The following FAM118A variants were observed in gnomAD, a reference collection of about 807,000 sequenced individuals.
FAM118A encodes the protein protein FAM118A.
FAM118A carries 25 observed loss-of-function variants against 38.2 expected under a neutral mutation model. The observed-to-expected ratio is 0.65, with a 90% CI of 0.48 to 0.91. FAM118A has a LOEUF of 0.91. Among genes scored for constraint, FAM118A ranks in the 40% least tolerant of loss-of-function variants. The pLI, the probability that FAM118A is intolerant of heterozygous loss-of-function variation, is 0.00. For missense variants in FAM118A, 425 were observed against 463.3 expected (o/e 0.92, Z 0.76); for synonymous variants, 178 against 184.1 (o/e 0.97, Z 0.27).
intron 3 of FAM118A, 70 bp downstream of exon 3, chr22:45,323,497 A>G: frequency 6.4e-7 from 1 of 1,561,888 alleles, no homozygotes. Context: ...CTGTGAACCT[A>G]ATGTTAAACT....
Position 45,341,743 on chromosome 22 carries a change from G to C in FAM118A, c.*1338G>C, listed in dbSNP as rs2086463096. 1 of 152,198 alleles carries C rather than the reference G, an allele frequency of 6.6e-6. No homozygotes were observed. Among genetic ancestry groups the C allele is most frequent in the Non-Finnish European group, 1.5e-5 (1 of 68,070 alleles). 9.4% of individuals were successfully genotyped at this position (152,198 alleles called of 1,614,324 possible). A position where few individuals can be genotyped will look rare whatever the true frequency, so the allele number is the denominator to read the frequency against. ...AAACAGCCCTGCTTGGTTTCAGTTTGAGGCCACTTATCTTCAATGTGACAT... is the reference window on the plus strand; with the variant it reads ...AAACAGCCCTGCTTGGTTTCAGTTTCAGGCCACTTATCTTCAATGTGACAT... On this transcript the variant is annotated 3_prime_UTR_variant, in exon 9 of 9. Coordinates refer to ENST00000441876, the MANE Select transcript of FAM118A (RefSeq NM_017911.4).
In FAM118A at chr22:45,323,193, C is replaced by T. The variant is rs572221843; in HGVS notation, c.66C>T (p.Leu22=). The part of the protein sequence containing the change: ...EQKSRKFLKS[L]IRKQPQELLL... ...CAAGTAGAAAGTTTTTAAAAAGCCT[C>T]ATCCGGAAACAGCCCCAGGAACTGC... Residue 22 remains leucine, a synonymous_variant, in exon 3 of 9, where the codon CTC becomes CTT. Transcript: ENST00000441876. 4 of 1,610,936 alleles carry T rather than the reference C, an allele frequency of 2.5e-6. No individual in the cohort carries two copies. Among genetic ancestry groups the T allele is most frequent in the East Asian group, 2.2e-5 (1 of 44,806 alleles).
In FAM118A at chr22:45,336,424, TTC is replaced by T. The variant is rs1232614432; in HGVS notation, c.1054+15_1054+16del. 8.7e-6 allele frequency: 14 copies of T among 1,608,858 alleles called. No homozygotes were observed. Among genetic ancestry groups the T allele is most frequent in the Non-Finnish European group, 1.2e-5 (14 of 1,175,376 alleles). On this transcript the variant is annotated intron_variant, in intron 8 of 8. Coordinates refer to ENST00000441876, the MANE Select transcript of FAM118A (RefSeq NM_017911.4). ...CAATCAGATACTGGTATTGTGTCTG[TTC>T]TTTTTGTGGGGAGCTGCCTCGGGTC...
intron 1 of FAM118A, chr22:45,318,456 G>A (rs2084705239): frequency 6.6e-6 from 1 of 152,218 alleles, no homozygotes; most frequent in South Asian, 2.1e-4. Flanking sequence ...CTTAGACGGT[G>A]TTTGGATGGG....
At position 45,332,481 on chromosome 22, in the gene FAM118A, G is replaced by C; in HGVS notation, c.708G>C (p.Glu236Asp). 2 of 1,614,184 alleles carry C rather than the reference G, an allele frequency of 1.2e-6. No individual in the cohort carries two copies. The highest frequency in any genetic ancestry group is 1.7e-6 in the Non-Finnish European group (2 of 1,180,036). ...CCTTTCTGTTTGTGGGCTGTGGGGAGACCCTTCGTGATCAGATATTCCAGG... is the reference window on the plus strand; with the variant it reads ...CCTTTCTGTTTGTGGGCTGTGGGGACACCCTTCGTGATCAGATATTCCAGG... ...TKSFLFVGCGETLRDQIFQAL... is the reference protein window; with the variant it reads ...TKSFLFVGCGDTLRDQIFQAL... The change falls in exon 6 of 9, where the codon GAG (glutamate) becomes GAC (aspartate). Residue 236 changes from glutamate to aspartate, a missense_variant. Coordinates refer to ENST00000441876, the MANE Select transcript of FAM118A (RefSeq NM_017911.4).
chr22:45,323,041 C>CTGTGTGTGTGTG lies in FAM118A; in HGVS notation c.48-110_48-99dup, dbSNP rs3041118. 6.4e-3 allele frequency: 4,242 copies of CTGTGTGTGTGTG among 658,954 alleles called. 33 individuals are homozygous for CTGTGTGTGTGTG. Among genetic ancestry groups the CTGTGTGTGTGTG allele is most frequent in the African/African-American group, 0.031 (1,667 of 52,922 alleles). The allele number at this position is 658,954 out of a possible 1,614,324, so 40.8% of individuals were successfully genotyped here. ...CGTCTCCCCACAGCGTCAGAGGGGA[C>CTGTGTGTGTGTG]TGTGTGTGTGTGTGTGTGTGTGTGT... On this transcript the variant is annotated intron_variant, in intron 2 of 8. Transcript: ENST00000441876.
intron 6 of FAM118A, chr22:45,335,030 A>G: frequency 2.7e-6 from 1 of 369,620 alleles, no homozygotes; most frequent in Non-Finnish European, 4.9e-6. Flanking sequence ...TGACTGTGTC[A>G]TGAAGGACAT....
chr22:45,332,537 T>C lies in FAM118A; in HGVS notation c.764T>C (p.Val255Ala). 6.2e-7 allele frequency: 1 copy of C among 1,613,982 alleles called. No homozygotes were observed. Among genetic ancestry groups the C allele is most frequent in the Admixed American group, 1.7e-5 (1 of 59,998 alleles). ...ALFLYSVPNKVDLEHYMLVLK... is the reference protein window; with the variant it reads ...ALFLYSVPNKADLEHYMLVLK... ...TTTCTTTACTCCGTGCCGAATAAGG[T>C]GGATTTGGAGCACTACATGCTTGTG... The change falls in exon 6 of 9, where the codon GTG becomes GCG. Residue 255 changes from valine (V) to alanine (A), a missense_variant. Transcript: ENST00000441876.
At chr22:45,339,595 C>G (rs1481894553) in intron 8 of FAM118A, among the ~76,000 whole-genome samples, 1 of 152,078 alleles carries the variant, frequency 6.6e-6, no homozygotes, top group Non-Finnish European at 1.5e-5. Flanking sequence ...GTTCTGTGAA[C>G]TGTTTCCTCC....
At position 45,323,349 on chromosome 22, in the gene FAM118A, C is replaced by T. The variant is rs747793345; in HGVS notation, c.222C>T (p.Val74=). Residue 74 remains valine (V), a synonymous_variant, in exon 3 of 9, where the codon GTC becomes GTT. Transcript: ENST00000441876. The part of the protein sequence containing the change: ...EQLEVLHPGD[V]AEFRRKVTKD... Reference sequence around the variant, plus strand: ...TGGAGGTGCTGCACCCCGGAGACGTCGCCGAGTTCCGGAGGAAAGTGACAA... The same window carrying T: ...TGGAGGTGCTGCACCCCGGAGACGTTGCCGAGTTCCGGAGGAAAGTGACAA... 1.2e-5 allele frequency: 19 copies of T among 1,614,008 alleles called. No individual in the cohort carries two copies. The highest frequency in any genetic ancestry group is 1.6e-4 in the Middle Eastern group (1 of 6,084).
intron 1 of FAM118A, among the ~76,000 whole-genome samples, chr22:45,317,336 G>T (rs537355189): frequency 3.9e-5 from 6 of 152,260 alleles, no homozygotes; most frequent in African/African-American, 1.4e-4. Flanking sequence ...CCGAGATTGC[G>T]CCATTGCACT....
Position 45,336,278 on chromosome 22 carries a change from G to A in FAM118A, c.971-50G>A, listed in dbSNP as rs2294200. ...AGGTCACATTATGAACTGTGCCTTG[G>A]CGAGTGGATTCTGAATAAACAAGCT... On this transcript the variant is annotated intron_variant, in intron 7 of 8. Transcript: ENST00000441876. 3.7e-5 allele frequency: 55 copies of A among 1,476,742 alleles called. No homozygotes were observed. In the East Asian group the frequency reaches 1.3e-3, roughly 34 times the overall value. The allele number at this position is 1,476,742 out of a possible 1,614,324, so 91.5% of individuals were successfully genotyped here.
At chr22:45,337,634 T>C (rs2146722404) in intron 8 of FAM118A, among the ~76,000 whole-genome samples, 1 of 152,238 alleles carries the variant, frequency 6.6e-6, no homozygotes, top group South Asian at 2.1e-4. Context: ...CTCTTCATCC[T>C]GCCACCCCAC....
At chr22:45,331,675 C>G (rs973840809) in intron 5 of FAM118A, among the ~76,000 whole-genome samples, 1 of 152,170 alleles carries the variant, frequency 6.6e-6, no homozygotes, top group African/African-American at 2.4e-5. Context: ...ATCCCTGGGC[C>G]GGTGTCATTC....
In FAM118A at chr22:45,317,248, G is replaced by A. The variant is rs1324862337; in HGVS notation, c.-9-5123G>A. ...CACAAACTTATCCAGGTTTAGTGGC[G>A]TGTGCCTGTAATCCCAGCTACTTGG... On this transcript the variant is annotated intron_variant, in intron 1 of 8. Transcript: ENST00000441876. Among the ~76,000 whole-genome samples, 7 of 152,132 alleles carry A rather than the reference G, an allele frequency of 4.6e-5. No homozygotes were observed. The South Asian group carries it at 8.3e-4, about 18-fold the overall frequency.
chr22:45,316,300 A>G (rs1272646090), intron 1 of FAM118A, among the ~76,000 whole-genome samples: 1 of 152,154 alleles, frequency 6.6e-6, no homozygotes, highest in African/African-American at 2.4e-5. Context: ...TCGGCCTCCC[A>G]AAGTGCTGGG....
chr22:45,338,440 G>A (rs980723502), intron 8 of FAM118A, among the ~76,000 whole-genome samples: 3 of 152,158 alleles, frequency 2.0e-5, no homozygotes, highest in Non-Finnish European at 4.4e-5. Context: ...TGTTGGCCAG[G>A]CTGGTCTCAA....
chr22:45,326,871 T>C (rs1049510386), intron 3 of FAM118A, among the ~76,000 whole-genome samples: 1 of 21,292 alleles, frequency 4.7e-5, no homozygotes, highest in East Asian at 8.4e-4. Flanking sequence ...CTAGGTGTTA[T>C]GGTGTGTGTG....
chr22:45,309,249 CG>C (rs1394153773), upstream of FAM118A: 1 of 151,976 alleles, frequency 6.6e-6, no homozygotes, highest in Non-Finnish European at 1.5e-5. Flanking sequence ...GGGAAGAGCG[CG>C]GGGAAGACAC....
Sources: gnomAD v4.1 joint callset for allele counts (sites outside exome capture counted in the v4.1 genomes callset) on GRCh38, gnomAD v4.1.1 for gene constraint, MANE v1.5 for transcripts, NCBI Gene and HGNC (gene_info 2026-07-23, HGNC 2026-07-21) for gene names.